Variants in CIROZ observed in about 807,000 individuals in gnomAD.
CIROZ encodes ciliated left-right organizer ZP-N domains-containing protein.
At chr1:10,961,061 G>A in the CIROZ span, among the ~76,000 whole-genome samples, 1 of 152,340 alleles carries the variant, frequency 6.6e-6, no homozygotes, top group Admixed American at 6.5e-5. Flanking sequence ...CTGGGGCATT[G>A]GGGCATCTGG....
chr1:10,968,524 T>C, the CIROZ span, among the ~76,000 whole-genome samples: 1 of 152,190 alleles, frequency 6.6e-6, no homozygotes, highest in South Asian at 2.1e-4. Context: ...CTGTGAAAGG[T>C]AGCTCGCTGG....
At chr1:10,960,258 G>A in the CIROZ span, among the ~76,000 whole-genome samples, 303 of 152,148 alleles carry the variant, frequency 2.0e-3, 2 homozygotes, top group African/African-American at 7.0e-3. The surrounding 1 kb of genome is among the most constrained non-coding windows in gnomAD (Gnocchi z 4.6). Context: ...AAAAAAATTA[G>A]CCAGGAGTGG....
chr1:10,957,155 C>T, the CIROZ span: 1 of 1,451,582 alleles, frequency 6.9e-7, no homozygotes. Flanking sequence ...ACTGCTCCTT[C>T]CAGATGCAGA....
the CIROZ span, among the ~76,000 whole-genome samples, chr1:10,968,442 C>G: frequency 5.3e-5 from 8 of 152,350 alleles, no homozygotes; most frequent in South Asian, 1.4e-3. Flanking sequence ...GACATGCTTT[C>G]CTTTCAAAAG....
chr1:10,979,292 G>A, the CIROZ span, among the ~76,000 whole-genome samples: 1 of 151,892 alleles, frequency 6.6e-6, no homozygotes, highest in South Asian at 2.1e-4. Flanking sequence ...CCGCACCCAG[G>A]GCAAGGATCT....
chr1:10,970,741 T>C, the CIROZ span, among the ~76,000 whole-genome samples: 1 of 152,230 alleles, frequency 6.6e-6, no homozygotes, highest in South Asian at 2.1e-4. Flanking sequence ...TCCCAAGTGA[T>C]GGCTGCTGGT....
chr1:10,960,307 G>A, the CIROZ span, among the ~76,000 whole-genome samples: 3 of 152,304 alleles, frequency 2.0e-5, no homozygotes, highest in East Asian at 5.8e-4. The surrounding 1 kb of genome is among the most constrained non-coding windows in gnomAD (Gnocchi z 4.6). Context: ...AGGAGGCTGA[G>A]GCACGAGGTT....
chr1:10,959,001 C>G, the CIROZ span, among the ~76,000 whole-genome samples: 1 of 152,352 alleles, frequency 6.6e-6, no homozygotes, highest in South Asian at 2.1e-4. The surrounding 1 kb of genome is among the most constrained non-coding windows in gnomAD (Gnocchi z 4.3). Flanking sequence ...CAGCTGGGGT[C>G]CTGGGCGCAG....
chr1:10,949,570 G>A, the CIROZ span: 1 of 1,553,414 alleles, frequency 6.4e-7, no homozygotes, highest in Non-Finnish European at 8.7e-7. Context: ...ATACTTCTTG[G>A]GGACCAGACT....
the CIROZ span, among the ~76,000 whole-genome samples, chr1:10,970,544 G>A: frequency 1.1e-4 from 16 of 151,980 alleles, no homozygotes; most frequent in Admixed American, 7.9e-4. Context: ...CAGGAGAATC[G>A]CTTGAACCTG....
chr1:10,970,130 G>A, the CIROZ span: 130 of 1,424,882 alleles, frequency 9.1e-5, 1 homozygote, highest in African/African-American at 1.7e-3. Context: ...GTGGGGAAGG[G>A]AGGGAGGAAG....
chr1:10,957,436 A>T, the CIROZ span: 45 of 845,412 alleles, frequency 5.3e-5, no homozygotes, highest in Middle Eastern at 7.4e-4. Context: ...GGAGCCCCTC[A>T]TCTGCAGAGC....
chr1:10,972,517 G>A, the CIROZ span, among the ~76,000 whole-genome samples: 68 of 150,962 alleles, frequency 4.5e-4, no homozygotes, highest in African/African-American at 1.5e-3. Flanking sequence ...TAATATTGTC[G>A]GGCTAATTTC....
At chr1:10,954,089 G>A in the CIROZ span, 3 of 1,613,630 alleles carry the variant, frequency 1.9e-6, no homozygotes, top group Middle Eastern at 3.3e-4. Context: ...CCAGGCTCAG[G>A]TCTACCCTAT....
At chr1:10,948,090 C>T in the CIROZ span, 3 of 1,613,490 alleles carry the variant, frequency 1.9e-6, no homozygotes, top group Non-Finnish European at 1.7e-6. Context: ...AGGTCCTGAA[C>T]TCAGCCAGGC....
chr1:10,970,155 A>AG, the CIROZ span: 2 of 1,387,812 alleles, frequency 1.4e-6, no homozygotes, highest in East Asian at 5.1e-5. Flanking sequence ...GAAGGAAGGA[A>AG]GAAAGGAAGG....
At chr1:10,975,407 GAAAAAAAAA>G in the CIROZ span, among the ~76,000 whole-genome samples, 3 of 78,782 alleles carry the variant, frequency 3.8e-5, no homozygotes, top group South Asian at 4.9e-4. Flanking sequence ...CTCTGTCTCA[GAAAAAAAAA>G]AAAAAAAAAA....
At chr1:10,967,067 T>C in the CIROZ span, among the ~76,000 whole-genome samples, 14 of 151,014 alleles carry the variant, frequency 9.3e-5, no homozygotes, top group Non-Finnish European at 1.9e-4. Context: ...GAGAATCACT[T>C]GAACCCGGAA....
Sources: allele counts gnomAD v4.1 joint callset (sites outside exome capture counted in the v4.1 genomes callset), GRCh38; gene constraint gnomAD v4.1.1; non-coding constraint Gnocchi (gnomAD v3.1); transcripts MANE v1.5; gene names NCBI Gene and HGNC (gene_info 2026-07-23, HGNC 2026-07-21).